OR51E1: variants seen among roughly 807,000 people sequenced by gnomAD.
OR51E1 encodes the protein olfactory receptor family 51 subfamily E member 1, also known as olfactory receptor 51E1.
OR51E1 carries 9 observed loss-of-function variants against 11.5 expected under a neutral mutation model. The observed-to-expected ratio is 0.78, with a 90% CI of 0.47 to 1.37. The LOEUF is 1.37. OR51E1 is among the 40% of genes most tolerant of loss of function. The probability of loss-of-function intolerance (pLI) is 0.00; values close to 1 mark genes in which losing one functional copy is unlikely to be tolerated. For missense variants in OR51E1, 397 were observed against 410.2 expected, an observed-to-expected ratio of 0.97 and a Z score of 0.28; for synonymous variants, 168 against 158.3, an observed-to-expected ratio of 1.06 and a Z score of -0.46.
chr11:4,654,597 G>A lies in OR51E1; in HGVS notation c.*1114G>A, dbSNP rs908889157. 6 of 167,188 alleles carry A rather than the reference G, an allele frequency of 3.6e-5. No homozygotes were observed. Among genetic ancestry groups the A allele is most frequent in the South Asian group, 2.1e-4 (1 of 4,834 alleles). The allele number at this position is 167,188 out of a possible 1,614,324, so 10.4% of individuals were successfully genotyped here. A position where few individuals can be genotyped will look rare whatever the true frequency, so the allele number is the denominator to read the frequency against. On this transcript the variant is annotated 3_prime_UTR_variant, in exon 2 of 2. Coordinates refer to ENST00000396952, the MANE Select transcript of OR51E1 (RefSeq NM_152430.4). ...GTTAGGGAGCCACCAGTTATGATGG[G>A]AAGTATGGAATGGCAGGTCTTGAAG...
chr11:4,651,310 T>G (rs1847094813), intron 1 of OR51E1, among the ~76,000 whole-genome samples: 3 of 152,178 alleles, frequency 2.0e-5, no homozygotes, highest in Admixed American at 6.5e-5. Context: ...TGGGGGTTCT[T>G]GTCCAAATGA....
intron 1 of OR51E1, among the ~76,000 whole-genome samples, chr11:4,646,820 C>T (rs1352796415): frequency 1.3e-5 from 2 of 152,102 alleles, no homozygotes; most frequent in Non-Finnish European, 2.9e-5. Context: ...TCAGAAGGTG[C>T]AGCAAAATTA....
rs1847147216 is a variant in OR51E1 at position 4,654,690 on chromosome 11, T to A, written c.*1207T>A. On this transcript the variant is annotated 3_prime_UTR_variant, in exon 2 of 2. Coordinates refer to ENST00000396952, the MANE Select transcript of OR51E1 (RefSeq NM_152430.4). The stretch of plus-strand genomic sequence containing the variant: ...GGGAATCTTCAGGACCATGCTTTAT[T>A]TGGGGCTTTGTGCAGTATGGAACAG... 1 of 167,254 alleles carries A rather than the reference T, an allele frequency of 6.0e-6. No homozygotes were observed. The highest frequency in any genetic ancestry group is 2.4e-5 in the African/African-American group (1 of 41,458). 10.4% of individuals were successfully genotyped at this position (167,254 alleles called of 1,614,324 possible). A position where few individuals can be genotyped will look rare whatever the true frequency, so the allele number is the denominator to read the frequency against.
chr11:4,648,707 A>G (rs982298364), intron 1 of OR51E1, among the ~76,000 whole-genome samples: 1 of 152,196 alleles, frequency 6.6e-6, no homozygotes, highest in African/African-American at 2.4e-5. Flanking sequence ...GATGGATAGC[A>G]TGGATATCTG....
At chr11:4,647,588 G>C (rs1223282455) in intron 1 of OR51E1, among the ~76,000 whole-genome samples, 1 of 152,160 alleles carries the variant, frequency 6.6e-6, no homozygotes, top group Non-Finnish European at 1.5e-5. Flanking sequence ...GGGCTGGTGA[G>C]GGGGGCTGGG....
chr11:4,653,401 T>C lies in OR51E1; in HGVS notation c.875T>C (p.Ile292Thr), dbSNP rs762456004. ...YLLVPPVLNP[I>T]VYGVKTKEIR... is the part of the protein sequence containing the mutation. Reference sequence around the variant, plus strand: ...CTGGTTCCTCCTGTGCTCAACCCAATTGTCTATGGAGTGAAGACAAAGGAG... The same window carrying C: ...CTGGTTCCTCCTGTGCTCAACCCAACTGTCTATGGAGTGAAGACAAAGGAG... The change falls in exon 2 of 2, where the codon ATT becomes ACT. Residue 292 changes from isoleucine (I) to threonine (T), a missense_variant. Physicochemically the swap from Ile to Thr is moderately conservative, Grantham distance 89. Coordinates refer to ENST00000396952, the MANE Select transcript of OR51E1 (RefSeq NM_152430.4). 3.7e-6 allele frequency: 6 copies of C among 1,614,060 alleles called. No individual in the cohort carries two copies. Among genetic ancestry groups the C allele is most frequent in the African/African-American group, 1.3e-5 (1 of 74,928 alleles).
rs1260156688 is a variant in OR51E1, at chr11:4,652,852, C to G, written c.326C>G (p.Ser109Cys). The change falls in exon 2 of 2, where the codon TCC (serine) becomes TGC (cysteine). Residue 109 changes from serine (S) to cysteine (C), a missense_variant. By Grantham distance (112) the Ser-to-Cys change is moderately radical (BLOSUM62 -1). Transcript: ENST00000396952. The part of the protein sequence containing the change: ...ACLLQMFAIH[S>C]LSGMESTVLL... ...CTGCTACAGATGTTTGCCATCCACT[C>G]CTTATCTGGCATGGAATCCACAGTG... 1 of 1,614,142 alleles carries G rather than the reference C, an allele frequency of 6.2e-7. No homozygotes were observed. Among genetic ancestry groups the G allele is most frequent in the Non-Finnish European group, 8.5e-7 (1 of 1,180,000 alleles).
At chr11:4,648,038 G>C (rs543487757) in intron 1 of OR51E1, among the ~76,000 whole-genome samples, 7 of 152,154 alleles carry the variant, frequency 4.6e-5, no homozygotes, top group South Asian at 4.2e-4. Context: ...ACATTGGGAC[G>C]CTTCAGGGCT....
rs950982333 is a variant in OR51E1 at position 4,644,048 on chromosome 11, G to C, written c.-40+18G>C. ...CGGTTGAGGTGAGTGCAGGAGGCCA[G>C]GGGCATGTCCAGGTGCATGGGTTAC... is the stretch of plus-strand genomic sequence containing the variant. On this transcript the variant is annotated intron_variant, in intron 1 of 1. Coordinates refer to ENST00000396952, the MANE Select transcript of OR51E1 (RefSeq NM_152430.4). 1.3e-5 allele frequency: 2 copies of C among 153,210 alleles called. No homozygotes were observed. The highest frequency in any genetic ancestry group is 4.8e-5 in the African/African-American group (2 of 41,556). 9.5% of individuals were successfully genotyped at this position (153,210 alleles called of 1,614,324 possible).
rs565834448 is a variant in OR51E1, at chr11:4,653,391, C to A, written c.865C>A (p.Leu289Ile). The change falls in exon 2 of 2, where the codon CTC (leucine) becomes ATC (isoleucine). Residue 289 changes from leucine (L) to isoleucine (I), a missense_variant. Leu to Ile is a conservative substitution (Grantham distance 5). Coordinates refer to ENST00000396952, the MANE Select transcript of OR51E1 (RefSeq NM_152430.4). ...TATCTATCTGCTGGTTCCTCCTGTG[C>A]TCAACCCAATTGTCTATGGAGTGAA... ...ANIYLLVPPV[L>I]NPIVYGVKTK... The A allele has an allele frequency of 1.2e-6, 2 of 1,614,120 alleles. No homozygotes were observed. The highest frequency in any genetic ancestry group is 2.7e-5 in the African/African-American group (2 of 75,042).
At chr11:4,647,325 C>T (rs1847041515) in intron 1 of OR51E1, among the ~76,000 whole-genome samples, 2 of 152,196 alleles carry the variant, frequency 1.3e-5, no homozygotes, top group Admixed American at 1.3e-4. Context: ...GGAGTACCAT[C>T]TCACTAAGTT....
Position 4,653,577 on chromosome 11 carries a change from C to T in OR51E1, c.*94C>T. The T allele has an allele frequency of 1.3e-6, 1 of 760,180 alleles. No individual in the cohort carries two copies. Among genetic ancestry groups the T allele is most frequent in the Non-Finnish European group, 2.1e-6 (1 of 465,678 alleles). 47.1% of individuals were successfully genotyped at this position (760,180 alleles called of 1,614,324 possible). On this transcript the variant is annotated 3_prime_UTR_variant, in exon 2 of 2. Coordinates refer to ENST00000396952, the MANE Select transcript of OR51E1 (RefSeq NM_152430.4). ...AGACAGTATTCAGAAAAAAAATTTC[C>T]TTAATAAAAATACAACTCAGATCCT... is the stretch of plus-strand genomic sequence containing the variant.
chr11:4,653,615 CT>C lies in OR51E1; in HGVS notation c.*133del. The C allele has an allele frequency of 1.7e-6, 1 of 574,242 alleles. No homozygotes were observed. Among genetic ancestry groups the C allele is most frequent in the Non-Finnish European group, 3.1e-6 (1 of 320,210 alleles). The allele number at this position is 574,242 out of a possible 1,614,324, so 35.6% of individuals were successfully genotyped here. ...CAACTCAGATCCTTCAAATATGAAA[CT>C]GGTTGGGGAATCTCCATTTTTTCAA... On this transcript the variant is annotated 3_prime_UTR_variant, in exon 2 of 2. Coordinates refer to ENST00000396952, the MANE Select transcript of OR51E1 (RefSeq NM_152430.4).
intron 1 of OR51E1, among the ~76,000 whole-genome samples, chr11:4,645,914 G>T (rs921231554): frequency 6.6e-6 from 1 of 152,154 alleles, no homozygotes; most frequent in Non-Finnish European, 1.5e-5. Flanking sequence ...CCTTGCAAGG[G>T]TTCATCTGCT....
At chr11:4,650,924 T>C (rs1317687357) in intron 1 of OR51E1, among the ~76,000 whole-genome samples, 1 of 143,892 alleles carries the variant, frequency 6.9e-6, no homozygotes, top group African/African-American at 2.6e-5. Context: ...GATCTGGGTA[T>C]GTATAATGCA....
Position 4,653,590 on chromosome 11 carries a change from C to A in OR51E1, c.*107C>A, listed in dbSNP as rs1001702163. 1 of 626,380 alleles carries A rather than the reference C, an allele frequency of 1.6e-6. No individual in the cohort carries two copies. The highest frequency in any genetic ancestry group is 3.1e-5 in the Admixed American group (1 of 31,786). The allele number at this position is 626,380 out of a possible 1,614,324, so 38.8% of individuals were successfully genotyped here. ...AAAAAAAATTTCCTTAATAAAAATA[C>A]AACTCAGATCCTTCAAATATGAAAC... On this transcript the variant is annotated 3_prime_UTR_variant, in exon 2 of 2. Transcript: ENST00000396952.
chr11:4,648,540 T>C (rs1455391168), intron 1 of OR51E1, among the ~76,000 whole-genome samples: 2 of 152,240 alleles, frequency 1.3e-5, no homozygotes, highest in Non-Finnish European at 2.9e-5. Flanking sequence ...ACTTGTGTTC[T>C]AAGCCCCAGG....
Position 4,653,622 on chromosome 11 carries a change from G to T in OR51E1, c.*139G>T. ...GATCCTTCAAATATGAAACTGGTTG[G>T]GGAATCTCCATTTTTTCAATATTAT... On this transcript the variant is annotated 3_prime_UTR_variant, in exon 2 of 2. Coordinates refer to ENST00000396952, the MANE Select transcript of OR51E1 (RefSeq NM_152430.4). The T allele has an allele frequency of 3.6e-6, 2 of 556,552 alleles. No homozygotes were observed. The highest frequency in any genetic ancestry group is 6.5e-6 in the Non-Finnish European group (2 of 309,442). 34.5% of individuals were successfully genotyped at this position (556,552 alleles called of 1,614,324 possible).
chr11:4,653,362 C>T lies in OR51E1; in HGVS notation c.836C>T (p.Ala279Val). Residue 279 changes from alanine to valine, a missense_variant, in exon 2 of 2, where the codon GCC (alanine) becomes GTC (valine). By Grantham distance (64) the Ala-to-Val change is moderately conservative. Coordinates refer to ENST00000396952, the MANE Select transcript of OR51E1 (RefSeq NM_152430.4). ...RRDSPLPVIL[A>V]NIYLLVPPVL... is the part of the protein sequence containing the mutation. ...GACTCTCCGCTGCCCGTCATCTTGGCCAATATCTATCTGCTGGTTCCTCCT... is the reference window on the plus strand; with the variant it reads ...GACTCTCCGCTGCCCGTCATCTTGGTCAATATCTATCTGCTGGTTCCTCCT... 6.2e-7 allele frequency: 1 copy of T among 1,613,966 alleles called. No homozygotes were observed. Among genetic ancestry groups the T allele is most frequent in the South Asian group, 1.1e-5 (1 of 91,074 alleles).
Sources: gnomAD v4.1 joint callset for allele counts (sites outside exome capture counted in the v4.1 genomes callset) on GRCh38, gnomAD v4.1.1 for gene constraint, MANE v1.5 for transcripts, NCBI Gene and HGNC (gene_info 2026-07-23, HGNC 2026-07-21) for gene names.